MYLK4: variants seen among roughly 807,000 people sequenced by gnomAD.
MYLK4 encodes the protein myosin light chain kinase family member 4.
A neutral mutation model predicts 48.1 loss-of-function variants in MYLK4; 46 were observed. The ratio of observed to expected loss-of-function variants is 0.96; its 90% CI spans 0.75 to 1.22. The LOEUF is 1.22. MYLK4 is among the 50% of genes most tolerant of loss of function. The probability of loss-of-function intolerance (pLI) is 0.00; values close to 1 mark genes in which losing one functional copy is unlikely to be tolerated. For synonymous variants in MYLK4, 170 were observed against 180.8 expected, an observed-to-expected ratio of 0.94 and a Z score of 0.48; for missense variants, 451 against 486.1, an observed-to-expected ratio of 0.93 and a Z score of 0.68.
intron 6 of MYLK4, among the ~76,000 whole-genome samples, chr6:2,684,973 G>A (rs1304905664): frequency 6.6e-6 from 1 of 152,056 alleles, no homozygotes; most frequent in African/African-American, 2.4e-5. Flanking sequence ...TAGTGAATAT[G>A]TTGAAAGTAA....
chr6:2,734,368 G>A (rs1286585081), intron 2 of MYLK4, among the ~76,000 whole-genome samples: 1 of 152,216 alleles, frequency 6.6e-6, no homozygotes, highest in Non-Finnish European at 1.5e-5. Context: ...ACTGAGACCT[G>A]TCCTCCAGGA....
At chr6:2,726,706 G>A (rs1287381550) in intron 2 of MYLK4, among the ~76,000 whole-genome samples, 4 of 147,946 alleles carry the variant, frequency 2.7e-5, no homozygotes, top group East Asian at 2.0e-4. Context: ...TCTGCCTCCC[G>A]GCTTCCAGCA....
intron 2 of MYLK4, among the ~76,000 whole-genome samples, chr6:2,693,477 T>G (rs1218519782): frequency 6.6e-6 from 1 of 152,220 alleles, no homozygotes; most frequent in Non-Finnish European, 1.5e-5. Context: ...GCCCTTTTCC[T>G]AAGTGGATAA....
chr6:2,768,767 C>T, the MYLK4 span: 1 of 1,613,572 alleles, frequency 6.2e-7, no homozygotes, highest in Non-Finnish European at 8.5e-7. Context: ...GCAACAAATG[C>T]CAAGACAAAT....
chr6:2,764,293 T>C, the MYLK4 span, among the ~76,000 whole-genome samples: 2 of 152,160 alleles, frequency 1.3e-5, no homozygotes, highest in Non-Finnish European at 2.9e-5. Flanking sequence ...TGGCTCAGCC[T>C]GTAACCCCAG....
At chr6:2,709,304 C>T (rs1762593814) in intron 2 of MYLK4, among the ~76,000 whole-genome samples, 1 of 152,224 alleles carries the variant, frequency 6.6e-6, no homozygotes, top group African/African-American at 2.4e-5. Flanking sequence ...CATCATTTTA[C>T]ATCAACATCT....
rs538605722 is a variant in MYLK4, at chr6:2,663,828, C to T, written c.*4097G>A. ...ACCAATAAACCTAGTCAGAAAGACT[C>T]ACTGACATCTATCAGCTGAGACGAC... On this transcript the variant is annotated 3_prime_UTR_variant, in exon 13 of 13. Transcript: ENST00000274643. The T allele has an allele frequency of 3.3e-5, 5 of 152,692 alleles. No individual in the cohort carries two copies. In the East Asian group the frequency reaches 9.6e-4, roughly 29 times the overall value. The allele number at this position is 152,692 out of a possible 1,614,324, so 9.5% of individuals were successfully genotyped here. A position where few individuals can be genotyped will look rare whatever the true frequency, so the allele number is the denominator to read the frequency against.
In MYLK4 at chr6:2,700,425, C is replaced by T. The variant is rs375655241; in HGVS notation, c.160-7566G>A. On this transcript the variant is annotated intron_variant, in intron 2 of 12. Transcript: ENST00000274643. ...AAGGGAGGGGACCCACTTCCTCTGT[C>T]GCCTCCGGTCACTCTGGCCTTTGTT... is the stretch of plus-strand genomic sequence containing the variant. Among the ~76,000 whole-genome samples, 5 of 152,294 alleles carry T rather than the reference C, an allele frequency of 3.3e-5. No homozygotes were observed. The East Asian group carries it at 5.8e-4, about 18-fold the overall frequency.
rs181741332 is a variant in MYLK4, at chr6:2,680,410, G to C, written c.688-119C>G. The C allele has an allele frequency of 3.7e-4, 584 of 1,558,350 alleles. 2 individuals carry two copies. The highest frequency in any genetic ancestry group is 4.8e-4 in the Non-Finnish European group (560 of 1,158,794). On this transcript the variant is annotated intron_variant, in intron 7 of 12. Coordinates refer to ENST00000274643, the MANE Select transcript of MYLK4 (RefSeq NM_001012418.5). ...AAAAACATATCAGGCCTTTCACTTC[G>C]GGGCGGGCTTGTCCGTGTGGGTACT... is the stretch of plus-strand genomic sequence containing the variant.
intron 2 of MYLK4, among the ~76,000 whole-genome samples, chr6:2,713,668 T>A (rs1762763211): frequency 6.6e-6 from 1 of 152,034 alleles, no homozygotes. Flanking sequence ...TCACTCCCCA[T>A]CCCATGAGTC....
the MYLK4 span, among the ~76,000 whole-genome samples, chr6:2,769,272 ACAAT>A: frequency 3.0e-4 from 45 of 152,118 alleles, no homozygotes. Flanking sequence ...TGAAAATTAA[ACAAT>A]CGGTATTTTC....
intron 2 of MYLK4, among the ~76,000 whole-genome samples, chr6:2,730,149 C>G (rs1350656440): frequency 6.6e-6 from 1 of 152,190 alleles, no homozygotes; most frequent in East Asian, 1.9e-4. Flanking sequence ...TGGAGCTGCC[C>G]TTTGGGGAGG....
At chr6:2,745,038 G>T (rs1330381894) in intron 2 of MYLK4, among the ~76,000 whole-genome samples, 1 of 152,194 alleles carries the variant, frequency 6.6e-6, no homozygotes, top group Admixed American at 6.5e-5. Flanking sequence ...GGGGTGAACA[G>T]GCAGGTGGGG....
At chr6:2,721,883 A>G (rs1283947766) in intron 2 of MYLK4, among the ~76,000 whole-genome samples, 1 of 152,264 alleles carries the variant, frequency 6.6e-6, no homozygotes, top group Non-Finnish European at 1.5e-5. Flanking sequence ...AATAGAAAAC[A>G]AAGTCAAACT....
At chr6:2,686,574 G>A (rs1761559515) in intron 4 of MYLK4, among the ~76,000 whole-genome samples, 1 of 152,194 alleles carries the variant, frequency 6.6e-6, no homozygotes, top group Non-Finnish European at 1.5e-5. Context: ...TCACAGTAGG[G>A]AGTGAGGAAC....
chr6:2,762,996 G>A, the MYLK4 span, among the ~76,000 whole-genome samples: 150 of 152,250 alleles, frequency 9.9e-4, 4 homozygotes, highest in Non-Finnish European at 1.5e-3. Flanking sequence ...ACCCACACAA[G>A]CAAAAGAAAG....
chr6:2,717,398 C>T (rs747525235), intron 2 of MYLK4, among the ~76,000 whole-genome samples: 10 of 152,194 alleles, frequency 6.6e-5, no homozygotes, highest in Admixed American at 6.5e-4. Context: ...ATGCAGAATG[C>T]AGCAGGCCTC....
upstream of MYLK4, among the ~76,000 whole-genome samples, chr6:2,754,093 G>A (rs1167390171): frequency 1.3e-5 from 2 of 151,734 alleles, no homozygotes; most frequent in Non-Finnish European, 2.9e-5. Context: ...AATATAAAAT[G>A]ATACAGGTGT....
chr6:2,677,157 ATT>A (rs1761112841), intron 10 of MYLK4, among the ~76,000 whole-genome samples: 1 of 152,098 alleles, frequency 6.6e-6, no homozygotes, highest in Non-Finnish European at 1.5e-5. Flanking sequence ...ACCACATTTT[ATT>A]ACATCTTTTT....
Sources: allele counts gnomAD v4.1 joint callset (sites outside exome capture counted in the v4.1 genomes callset), GRCh38; gene constraint gnomAD v4.1.1; transcripts MANE v1.5; gene names NCBI Gene and HGNC (gene_info 2026-07-23, HGNC 2026-07-21).